Variants in PTK7 observed in about 807,000 individuals in gnomAD.
The protein encoded by PTK7 is protein tyrosine kinase 7 (inactive).
A neutral mutation model predicts 116.6 loss-of-function variants in PTK7; 39 were observed. The observed-to-expected ratio is 0.33, with a 90% CI of 0.26 to 0.44. PTK7 has a LOEUF of 0.44. PTK7 is among the 20% of genes least tolerant of loss of function. The pLI is 1.00. For missense variants in PTK7, 1,169 were observed against 1,425.6 expected, an observed-to-expected ratio of 0.82 and a Z score of 2.90; for synonymous variants, 546 against 563.6, an observed-to-expected ratio of 0.97 and a Z score of 0.44.
chr6:43,151,009 G>T (rs1248466281), intron 17 of PTK7, among the ~76,000 whole-genome samples: 1 of 151,296 alleles, frequency 6.6e-6, no homozygotes, highest in Non-Finnish European at 1.5e-5. Context: ...TTTTAGCAGG[G>T]ATGAGGTTTC....
chr6:43,085,722 T>G (rs994888225), intron 1 of PTK7, among the ~76,000 whole-genome samples: 2 of 150,784 alleles, frequency 1.3e-5, no homozygotes, highest in Non-Finnish European at 3.0e-5. Context: ...TCACCTGAGG[T>G]CGGGAGTTCG....
chr6:43,116,605 TGTG>T (rs1463637108), intron 1 of PTK7, among the ~76,000 whole-genome samples: 9 of 21,184 alleles, frequency 4.2e-4, no homozygotes, highest in African/African-American at 2.8e-3. Flanking sequence ...AAAGCTGGTT[TGTG>T]TGTGTGTGTG....
At chr6:43,103,488 T>TA (rs1767694406) in intron 1 of PTK7, among the ~76,000 whole-genome samples, 1 of 149,950 alleles carries the variant, frequency 6.7e-6, no homozygotes, top group African/African-American at 2.5e-5. Context: ...TAGCCACCTA[T>TA]AAAAAATGTG....
chr6:43,124,266 G>A (rs540558446), intron 1 of PTK7, among the ~76,000 whole-genome samples: 1 of 152,286 alleles, frequency 6.6e-6, no homozygotes, highest in East Asian at 1.9e-4. Context: ...TGTCATTGCT[G>A]TCCTCCATTT....
At chr6:43,098,217 G>A (rs1328322700) in intron 1 of PTK7, among the ~76,000 whole-genome samples, 2 of 152,188 alleles carry the variant, frequency 1.3e-5, no homozygotes, top group East Asian at 1.9e-4. Flanking sequence ...TTGCTGCCTA[G>A]CTTTGTTTAT....
chr6:43,127,658 G>A (rs1000809613), intron 1 of PTK7, among the ~76,000 whole-genome samples: 14 of 152,186 alleles, frequency 9.2e-5, no homozygotes, highest in Non-Finnish European at 1.5e-4. Context: ...GGCCGGGTGC[G>A]GTGGCTCACG....
chr6:43,157,294 C>T (rs1029010103), intron 17 of PTK7, among the ~76,000 whole-genome samples: 17 of 130,178 alleles, frequency 1.3e-4, no homozygotes, highest in Non-Finnish European at 7.9e-5. Flanking sequence ...AACACATACA[C>T]ACACGTGCGT....
At chr6:43,088,403 C>T (rs931107313) in intron 1 of PTK7, among the ~76,000 whole-genome samples, 9 of 151,740 alleles carry the variant, frequency 5.9e-5, no homozygotes, top group Admixed American at 4.6e-4. Flanking sequence ...CTATGATATG[C>T]TGCACACGTG....
intron 7 of PTK7, chr6:43,133,818 G>C (rs1442053086): frequency 6.6e-6 from 1 of 152,168 alleles, no homozygotes; most frequent in Non-Finnish European, 1.5e-5. Context: ...ATTTGAATAT[G>C]AAAGTGGCTT....
At chr6:43,079,239 G>A (rs374580991) in intron 1 of PTK7, among the ~76,000 whole-genome samples, 9 of 151,566 alleles carry the variant, frequency 5.9e-5, no homozygotes, top group African/African-American at 1.2e-4. Flanking sequence ...AGGCCGAGGC[G>A]GGCGGATCAT....
At chr6:43,131,746 C>T (rs901178701) in intron 5 of PTK7, 8 of 500,610 alleles carry the variant, frequency 1.6e-5, no homozygotes, top group African/African-American at 3.9e-5. Context: ...ACAGCCAAAC[C>T]ATATCACTCT....
At chr6:43,111,028 A>G (rs1034356940) in intron 1 of PTK7, among the ~76,000 whole-genome samples, 1 of 152,204 alleles carries the variant, frequency 6.6e-6, no homozygotes, top group Non-Finnish European at 1.5e-5. Context: ...GCTTCATACC[A>G]AGATGACTGG....
chr6:43,100,565 A>T (rs968128968), intron 1 of PTK7, among the ~76,000 whole-genome samples: 6 of 151,936 alleles, frequency 3.9e-5, no homozygotes, highest in Non-Finnish European at 7.4e-5. Flanking sequence ...TTTAAAACTG[A>T]TTTTTTTGGG....
rs141104155 is a variant in PTK7, at chr6:43,114,465, C to T, written c.80-14512C>T. On this transcript the variant is annotated intron_variant, in intron 1 of 19. Transcript: ENST00000230419. ...GTTTCTCCCTCTGTCTCTCTCCTGT[C>T]TGTCTCTGTCTGTGTGTGACTTTGG... Among the ~76,000 whole-genome samples the T allele has an allele frequency of 6.9e-3, 1,048 of 152,118 alleles. 9 individuals carry two copies. Among genetic ancestry groups the T allele is most frequent in the African/African-American group, 0.023 (971 of 41,476 alleles).
At chr6:43,116,860 A>G (rs533553253) in intron 1 of PTK7, among the ~76,000 whole-genome samples, 8 of 152,124 alleles carry the variant, frequency 5.3e-5, no homozygotes, top group African/African-American at 1.2e-4. Context: ...GTTTCGCTGT[A>G]TCGCCCAGGC....
chr6:43,091,744 G>A (rs1262893951), intron 1 of PTK7, among the ~76,000 whole-genome samples: 1 of 152,218 alleles, frequency 6.6e-6, no homozygotes, highest in East Asian at 1.9e-4. Flanking sequence ...ATGCCATTCA[G>A]AGTAGCATGA....
At chr6:43,102,088 C>T (rs1767616529) in intron 1 of PTK7, among the ~76,000 whole-genome samples, 1 of 151,570 alleles carries the variant, frequency 6.6e-6, no homozygotes. Context: ...GATTGGTGTG[C>T]TTGCCTCCAA....
chr6:43,125,244 G>A (rs1239103861), intron 1 of PTK7, among the ~76,000 whole-genome samples: 1 of 152,240 alleles, frequency 6.6e-6, no homozygotes, highest in African/African-American at 2.4e-5. Context: ...GACCTTCTGT[G>A]AGCTGACGTC....
Position 43,104,878 on chromosome 6 carries a change from T to A in PTK7, c.80-24099T>A, listed in dbSNP as rs572269276. ...CCCAGGCTGGAGTGCAGTGGCGTGATCTCCGCTCACTCCAATCTCCGCCTC... is the reference window on the plus strand; with the variant it reads ...CCCAGGCTGGAGTGCAGTGGCGTGAACTCCGCTCACTCCAATCTCCGCCTC... On this transcript the variant is annotated intron_variant, in intron 1 of 19. Transcript: ENST00000230419. Among the ~76,000 whole-genome samples, 4 of 148,024 alleles carry A rather than the reference T, an allele frequency of 2.7e-5. No individual in the cohort carries two copies. The East Asian group carries it at 8.0e-4, about 30-fold the overall frequency.
Sources: gnomAD v4.1 joint callset for allele counts (sites outside exome capture counted in the v4.1 genomes callset) on GRCh38, gnomAD v4.1.1 for gene constraint, MANE v1.5 for transcripts, NCBI Gene and HGNC (gene_info 2026-07-23, HGNC 2026-07-21) for gene names.